Variants in ANK3 observed in about 807,000 individuals in gnomAD.
ANK3 encodes the protein ankyrin 3, also known as ankyrin-3.
Under a neutral mutation model 370.9 loss-of-function variants are expected in ANK3, and 57 were observed. That is an observed-to-expected ratio of 0.15 (90% CI 0.12 to 0.19). ANK3 has a LOEUF of 0.19. Among genes scored for constraint, ANK3 ranks in the 10% least tolerant of loss-of-function variants. The probability of loss-of-function intolerance (pLI) is 1.00; values close to 1 mark genes in which losing one functional copy is unlikely to be tolerated. For missense variants in ANK3, 4,439 were observed against 5,302.1 expected (o/e 0.84, Z 5.06); for synonymous variants, 1,929 against 1,946.3 (o/e 0.99, Z 0.23).
rs555514398 is a variant in ANK3, at chr10:60,629,508, G to A, written c.58-14284C>T. ...TGATATTGAAAAATACATAATGGCG[G>A]ATTGTTGCCATAGTAACTCCTCTAC... On this transcript the variant is annotated intron_variant, in intron 1 of 43. Transcript: ENST00000373827. Among the ~76,000 whole-genome samples the A allele has an allele frequency of 7.9e-5, 12 of 152,132 alleles. No individual in the cohort carries two copies. In the East Asian group the frequency reaches 1.7e-3, roughly 22 times the overall value.
intron 2 of ANK3, among the ~76,000 whole-genome samples, chr10:60,467,547 T>C (rs1366926036): frequency 6.6e-6 from 1 of 152,228 alleles, no homozygotes; most frequent in African/African-American, 2.4e-5. Context: ...AAATTGTTAA[T>C]AGAGGCATAT....
intron 1 of ANK3, among the ~76,000 whole-genome samples, chr10:60,715,676 C>T (rs1356087832): frequency 6.6e-6 from 1 of 152,116 alleles, no homozygotes; most frequent in African/African-American, 2.4e-5. Context: ...TCAGATATTA[C>T]AGTAGTAATA....
chr10:60,088,501 C>A (rs2087284871), intron 28 of ANK3, 143 bp from the exon 29 acceptor site: 1 of 721,762 alleles, frequency 1.4e-6, no homozygotes, highest in Non-Finnish European at 2.3e-6. Flanking sequence ...TCTTGGCTCA[C>A]CACAACCTCA....
chr10:60,089,641 C>T (rs1459961439), intron 28 of ANK3, among the ~76,000 whole-genome samples: 4 of 151,822 alleles, frequency 2.6e-5, no homozygotes, highest in African/African-American at 7.3e-5. Flanking sequence ...AGGTTTGTGA[C>T]GGAGAATTTA....
intron 2 of ANK3, among the ~76,000 whole-genome samples, chr10:60,594,945 G>T (rs896509322): frequency 1.3e-5 from 2 of 151,982 alleles, no homozygotes; most frequent in African/African-American, 2.4e-5. Context: ...GCTGATTCTG[G>T]CTTAATGGGA....
chr10:60,222,502 G>C (rs943584332), intron 8 of ANK3, among the ~76,000 whole-genome samples: 1 of 151,332 alleles, frequency 6.6e-6, no homozygotes, highest in African/African-American at 2.4e-5. Context: ...AATAAATTTT[G>C]AACTCATTTC....
Position 60,072,334 on chromosome 10 carries a change from T to C in ANK3, c.8547A>G (p.Lys2849=). The change falls in exon 37 of 44, where the codon AAA becomes AAG. Residue 2849 remains lysine (K), a synonymous_variant. Coordinates refer to ENST00000280772, the MANE Select transcript of ANK3 (RefSeq NM_020987.5). ...AACTCTCCCATGTTCTAAAGACCTT[T>C]TTGTCCCATGGTCCCCTAGTTGCTA... is the stretch of plus-strand genomic sequence containing the variant. The part of the protein sequence containing the change: ...SDLATRGPWD[K]KVFRTWESSG... The C allele has an allele frequency of 6.2e-7, 1 of 1,614,008 alleles. No homozygotes were observed. Among genetic ancestry groups the C allele is most frequent in the South Asian group, 1.1e-5 (1 of 91,014 alleles).
chr10:60,449,071 T>C (rs993819941), intron 2 of ANK3, among the ~76,000 whole-genome samples: 1 of 152,188 alleles, frequency 6.6e-6, no homozygotes, highest in Admixed American at 6.5e-5. Flanking sequence ...TGAATGAACA[T>C]GCCTTGGCCC....
chr10:60,240,822 C>A (rs904530708), intron 7 of ANK3, among the ~76,000 whole-genome samples: 2 of 152,180 alleles, frequency 1.3e-5, no homozygotes, highest in Non-Finnish European at 2.9e-5. Context: ...GAACTTCTGA[C>A]GTCAAGTGAT....
At chr10:60,629,166 G>T (rs1248129575) in intron 1 of ANK3, among the ~76,000 whole-genome samples, 1 of 152,028 alleles carries the variant, frequency 6.6e-6, no homozygotes, top group Non-Finnish European at 1.5e-5. Context: ...AGGGTTCAAG[G>T]TTGTTAAGGA....
chr10:60,461,310 C>T (rs2064877788), intron 2 of ANK3, among the ~76,000 whole-genome samples: 1 of 152,112 alleles, frequency 6.6e-6, no homozygotes, highest in South Asian at 2.1e-4. Context: ...CTTTACACTA[C>T]CAAATAATAA....
At chr10:60,087,629 C>T (rs1033181461) in intron 29 of ANK3, among the ~76,000 whole-genome samples, 2 of 152,144 alleles carry the variant, frequency 1.3e-5, no homozygotes, top group African/African-American at 4.8e-5. Flanking sequence ...TACTTTAGTT[C>T]ATTTTCCTTA....
At chr10:60,683,377 A>G (rs939670930) in intron 1 of ANK3, among the ~76,000 whole-genome samples, 4 of 152,216 alleles carry the variant, frequency 2.6e-5, no homozygotes, top group African/African-American at 9.6e-5. Flanking sequence ...TGGAAGAAAC[A>G]GAATAGTAAA....
chr10:60,332,643 G>C (rs1030322722), intron 1 of ANK3, among the ~76,000 whole-genome samples: 2 of 152,166 alleles, frequency 1.3e-5, no homozygotes, highest in Admixed American at 6.5e-5. Flanking sequence ...AGCTACTGAG[G>C]AGGAAGAAAA....
chr10:60,518,007 T>C (rs1334449729), intron 2 of ANK3, among the ~76,000 whole-genome samples: 3 of 152,136 alleles, frequency 2.0e-5, no homozygotes, highest in Non-Finnish European at 4.4e-5. Context: ...CTCAGAGAAG[T>C]TGTGCAGTTT....
chr10:60,409,853 G>A (rs1187428064), intron 2 of ANK3, among the ~76,000 whole-genome samples: 2 of 152,120 alleles, frequency 1.3e-5, no homozygotes, highest in Non-Finnish European at 2.9e-5. Flanking sequence ...CCTCCCACGA[G>A]TCTACCAGTG....
intron 34 of ANK3, 115 bp downstream of exon 34, chr10:60,082,500 T>A: frequency 7.1e-7 from 1 of 1,404,570 alleles, no homozygotes; most frequent in Non-Finnish European, 9.6e-7. Context: ...AGGAGACTAA[T>A]ACAACTTCAG....
chr10:60,716,475 T>C (rs903272247), intron 1 of ANK3, among the ~76,000 whole-genome samples: 1 of 152,128 alleles, frequency 6.6e-6, no homozygotes, highest in Non-Finnish European at 1.5e-5. Context: ...AAGTCATGGA[T>C]TGTTCTCTAT....
intron 2 of ANK3, among the ~76,000 whole-genome samples, chr10:60,501,472 AG>A (rs1327870159): frequency 6.6e-6 from 1 of 152,190 alleles, no homozygotes; most frequent in Non-Finnish European, 1.5e-5. Flanking sequence ...TAGGAGGCCG[AG>A]GCAGGCAGAT....
Sources: gnomAD v4.1 joint callset for allele counts (sites outside exome capture counted in the v4.1 genomes callset) on GRCh38, gnomAD v4.1.1 for gene constraint, MANE v1.5 for transcripts, NCBI Gene and HGNC (gene_info 2026-07-23, HGNC 2026-07-21) for gene names.